The following ACRBP variants were observed in gnomAD, a reference collection of about 807,000 sequenced individuals.
The protein encoded by ACRBP is acrosin-binding protein.
Under a neutral mutation model 69.0 loss-of-function variants are expected in ACRBP, and 52 were observed. The observed-to-expected ratio is 0.75, with a 90% confidence interval of 0.60 to 0.95. ACRBP has a LOEUF of 0.95. Among genes scored for constraint, ACRBP ranks in the 40% least tolerant of loss-of-function variants. The probability of loss-of-function intolerance (pLI) is 0.00; values close to 1 mark genes in which losing one functional copy is unlikely to be tolerated. For missense variants in ACRBP, 604 were observed against 673.0 expected (o/e 0.90, Z 1.13); for synonymous variants, 267 against 258.9 (o/e 1.03, Z -0.30).
chr12:6,639,102 G>A (rs1949032595), intron 8 of ACRBP, 65 bp from the exon 9 acceptor site: 2 of 1,448,896 alleles, frequency 1.4e-6, no homozygotes, highest in South Asian at 2.3e-5. Context: ...AGCACTCCAG[G>A]GAATATCTGC....
chr12:6,643,337 C>T (rs540305551), intron 6 of ACRBP, among the ~76,000 whole-genome samples: 1 of 152,302 alleles, frequency 6.6e-6, no homozygotes, highest in East Asian at 1.9e-4. Flanking sequence ...GACTGGATTG[C>T]ATTTCAGACT....
At chr12:6,643,095 T>TA (rs959147322) in intron 6 of ACRBP, among the ~76,000 whole-genome samples, 3 of 151,232 alleles carry the variant, frequency 2.0e-5, no homozygotes, top group South Asian at 2.1e-4. Context: ...CTACAAAAAA[T>TA]AAAAAAAAAT....
At chr12:6,646,010 G>A (rs979634131) in intron 3 of ACRBP, among the ~76,000 whole-genome samples, 4 of 145,426 alleles carry the variant, frequency 2.8e-5, no homozygotes, top group African/African-American at 7.7e-5. Flanking sequence ...CTCAGGATAG[G>A]GTGCAGTGGC....
At chr12:6,641,687 T>C (rs1255967843) in intron 6 of ACRBP, among the ~76,000 whole-genome samples, 1 of 152,174 alleles carries the variant, frequency 6.6e-6, no homozygotes, top group Non-Finnish European at 1.5e-5. Context: ...CCCTCATGGG[T>C]TCTTGGCCCC....
intron 6 of ACRBP, among the ~76,000 whole-genome samples, chr12:6,642,416 A>T (rs1185169675): frequency 6.6e-6 from 1 of 151,916 alleles, no homozygotes; most frequent in Non-Finnish European, 1.5e-5. Context: ...TTGTGTATCT[A>T]CTCCTAGGTG....
chr12:6,638,816 A>G, intron 9 of ACRBP, 138 bp downstream of exon 9: 1 of 1,506,310 alleles, frequency 6.6e-7, no homozygotes, highest in Non-Finnish European at 8.8e-7. Context: ...CTGCTGGTGG[A>G]GGCCTCTGCC....
rs970655465 is a variant in ACRBP, at chr12:6,640,931, T to A, written c.1078-409A>T. ...CCACCTCTGCTAATGATAATGCTAA[T>A]ATTTACAAAGAGGTGACCCAGTGCC... On this transcript the variant is annotated intron_variant, in intron 6 of 9. Transcript: ENST00000229243. This position sits in a 1 kb window ranked among gnomAD's most constrained non-coding sequence, Gnocchi z 5.3. Among the ~76,000 whole-genome samples the A allele has an allele frequency of 2.0e-5, 3 of 152,164 alleles. No homozygotes were observed. Among genetic ancestry groups the A allele is most frequent in the African/African-American group, 7.2e-5 (3 of 41,432 alleles).
chr12:6,642,488 T>TA (rs2136250028), intron 6 of ACRBP, among the ~76,000 whole-genome samples: 1 of 152,328 alleles, frequency 6.6e-6, no homozygotes, highest in African/African-American at 2.4e-5. Context: ...AATTTCATTT[T>TA]TTCCTCATGG....
rs763808261 is a variant in ACRBP, at chr12:6,638,418, C to G, written c.1510-14G>C. ...CATGCGGGACACCTACACAGAGATT[C>G]AGTGCAGACGGTCTGTATCACAGAG... On this transcript the variant is annotated splice_polypyrimidine_tract_variant and intron_variant, in intron 9 of 9. Coordinates refer to ENST00000229243, the MANE Select transcript of ACRBP (RefSeq NM_032489.3). 3.1e-6 allele frequency: 5 copies of G among 1,613,818 alleles called. No individual in the cohort carries two copies. Among genetic ancestry groups the G allele is most frequent in the South Asian group, 1.1e-5 (1 of 91,074 alleles).
intron 8 of ACRBP, among the ~76,000 whole-genome samples, chr12:6,639,392 A>C (rs537391760): frequency 1.3e-5 from 2 of 152,328 alleles, no homozygotes; most frequent in South Asian, 4.1e-4. Context: ...ATGGTAGATA[A>C]GGGAAGGGGG....
intron 4 of ACRBP, among the ~76,000 whole-genome samples, 167 bp from the exon 5 acceptor site, chr12:6,644,772 C>T (rs973578669): frequency 1.2e-4 from 19 of 152,170 alleles, no homozygotes; most frequent in Admixed American, 2.6e-4. Flanking sequence ...AACATTACCA[C>T]GGCAACTGTA....
chr12:6,640,502 C>T lies in ACRBP; in HGVS notation c.1098G>A (p.Arg366=), dbSNP rs199911393. ...FGKSVCDSLG[R]RHMSTCALCD... ...AGAGGGCACAGGTAGACATGTGTCG[C>T]CGCCCAAGGCTGTCACAGACCTGGG... Residue 366 remains arginine, a synonymous_variant, in exon 7 of 10, where the codon CGG becomes CGA. Transcript: ENST00000229243. The surrounding 1 kb of genome is among the most constrained non-coding windows in gnomAD (Gnocchi z 5.3). 52 of 1,613,876 alleles carry T rather than the reference C, an allele frequency of 3.2e-5. 1 individual carries two copies. The Middle Eastern group carries it at 1.3e-3, about 41-fold the overall frequency.
intron 6 of ACRBP, among the ~76,000 whole-genome samples, chr12:6,642,064 G>A (rs1949056851): frequency 6.6e-6 from 1 of 152,118 alleles, no homozygotes; most frequent in Non-Finnish European, 1.5e-5. Context: ...CAAACATGGA[G>A]AGTTGTCCCC....
intron 2 of ACRBP, 77 bp downstream of exon 2, chr12:6,646,717 T>G (rs1949092492): frequency 7.6e-6 from 12 of 1,571,060 alleles, no homozygotes; most frequent in Non-Finnish European, 8.7e-7. Context: ...CCGCCTCACA[T>G]GAGCACAGGG....
In ACRBP at chr12:6,643,568, C is replaced by T. The variant is rs1214384090; in HGVS notation, c.1048G>A (p.Glu350Lys). 2 of 1,614,252 alleles carry T rather than the reference C, an allele frequency of 1.2e-6. No individual in the cohort carries two copies. The highest frequency in any genetic ancestry group is 1.7e-6 in the Non-Finnish European group (2 of 1,180,048). ...TPTAKAWKYMEEEILGFGKSV... is the reference protein window; with the variant it reads ...TPTAKAWKYMKEEILGFGKSV... ...TTCCCGAAACCAAGGATCTCCTCCT[C>T]CATGTACTTCCAGGCCTTGGCTGTG... is the stretch of plus-strand genomic sequence containing the variant. Residue 350 changes from glutamate (E) to lysine (K), a missense_variant, in exon 6 of 10, where the codon GAG becomes AAG. Coordinates refer to ENST00000229243, the MANE Select transcript of ACRBP (RefSeq NM_032489.3).
chr12:6,646,604 T>C (rs1467936142), intron 2 of ACRBP, 27 bp from the exon 3 acceptor site: 1 of 1,606,542 alleles, frequency 6.2e-7, no homozygotes, highest in Non-Finnish European at 8.5e-7. Flanking sequence ...GTGGAGAAGA[T>C]GAACCCGTGG....
Position 6,640,170 on chromosome 12 carries a change from T to C in ACRBP, c.1315A>G (p.Met439Val), listed in dbSNP as rs756182832. The C allele has an allele frequency of 1.9e-6, 3 of 1,614,080 alleles. No homozygotes were observed. The highest frequency in any genetic ancestry group is 1.7e-5 in the Admixed American group (1 of 59,998). ...GCAAGCCGGGCACACCAGAAGTCCA[T>C]GTGGAGCCCACCGTACAAATCCAGC... is the stretch of plus-strand genomic sequence containing the variant. ...YGLDLYGGLH[M>V]DFWCARLATK... The change falls in exon 8 of 10, where the codon ATG (methionine) becomes GTG (valine). Residue 439 changes from methionine (M) to valine (V), a missense_variant. By Grantham distance (21) the Met-to-Val change is conservative. Transcript: ENST00000229243. The surrounding 1 kb of genome is among the most constrained non-coding windows in gnomAD (Gnocchi z 5.3).
rs770685822 is a variant in ACRBP, at chr12:6,640,078, A to G, written c.1407T>C (p.Asp469=). 7 of 1,614,024 alleles carry G rather than the reference A, an allele frequency of 4.3e-6. No homozygotes were observed. Reference sequence around the variant, plus strand: ...TTCTAACCTTGGTAGGGAAATCCCCATCCTGGAAGCTAAGGAACTCAGTCT... The same window carrying G: ...TTCTAACCTTGGTAGGGAAATCCCCGTCCTGGAAGCTAAGGAACTCAGTCT... ...WLQTEFLSFQ[D]GDFPTKICDT... Residue 469 remains aspartate, a synonymous_variant, in exon 8 of 10, where the codon GAT becomes GAC. Coordinates refer to ENST00000229243, the MANE Select transcript of ACRBP (RefSeq NM_032489.3). The surrounding 1 kb of genome is among the most constrained non-coding windows in gnomAD (Gnocchi z 5.3).
intron 9 of ACRBP, 67 bp downstream of exon 9, chr12:6,638,887 A>G: frequency 6.2e-7 from 1 of 1,602,360 alleles, no homozygotes; most frequent in Non-Finnish European, 8.5e-7. Flanking sequence ...GGGCCTCAGA[A>G]TAGACCAGTT....
Sources: gnomAD v4.1 joint callset for allele counts (sites outside exome capture counted in the v4.1 genomes callset) on GRCh38, gnomAD v4.1.1 for gene constraint, Gnocchi (gnomAD v3.1) non-coding constraint, MANE v1.5 for transcripts, NCBI Gene and HGNC (gene_info 2026-07-23, HGNC 2026-07-21) for gene names.